CCDC183: variants seen among roughly 807,000 people sequenced by gnomAD.
CCDC183 encodes the protein coiled-coil domain-containing protein 183.
In CCDC183, 63 loss-of-function variants were observed where a neutral mutation model predicts 65.2. The ratio of observed to expected loss-of-function variants is 0.97; its 90% CI spans 0.79 to 1.19. The LOEUF (loss-of-function observed/expected upper bound fraction) is 1.19. Among genes scored for constraint, CCDC183 ranks in the 50% most tolerant of loss-of-function variants. The probability of loss-of-function intolerance (pLI) is 0.00; values close to 1 mark genes in which losing one functional copy is unlikely to be tolerated. For synonymous variants in CCDC183, 323 were observed against 276.5 expected (o/e 1.17, Z -1.67); for missense variants, 769 against 689.3 (o/e 1.12, Z -1.30).
Position 136,804,753 on chromosome 9 carries a change from T to C in CCDC183, c.793-9T>C. The C allele has an allele frequency of 2.0e-6, 3 of 1,499,244 alleles. No homozygotes were observed. Among genetic ancestry groups the C allele is most frequent in the Admixed American group, 1.7e-5 (1 of 58,724 alleles). 92.9% of individuals were successfully genotyped at this position (1,499,244 alleles called of 1,614,324 possible). On this transcript the variant is annotated splice_polypyrimidine_tract_variant and intron_variant, in intron 7 of 13. Coordinates refer to ENST00000338005, the MANE Select transcript of CCDC183 (RefSeq NM_001039374.5). The surrounding 1 kb of genome is among the most constrained non-coding windows in gnomAD (Gnocchi z 4.1). ...GTCTCATCCCTTCCCCGCCCCCACC[T>C]CCCATCAGGGCCAGATGGACTTGGA...
In CCDC183 at chr9:136,797,992, C is replaced by T. The variant is rs549023203; in HGVS notation, c.71-1110C>T. 5.3e-5 allele frequency among the ~76,000 whole-genome samples: 8 copies of T among 151,808 alleles called. No homozygotes were observed. The East Asian group carries it at 1.4e-3, about 26-fold the overall frequency. On this transcript the variant is annotated intron_variant, in intron 1 of 13. Transcript: ENST00000338005. The stretch of plus-strand genomic sequence containing the variant: ...TACGCCACCACACTCAGCTAATTTT[C>T]GTATTTGTATTTTTATTTATTTATT...
In CCDC183 at chr9:136,796,939, C is replaced by T. The variant is rs563488490; in HGVS notation, c.70+472C>T. On this transcript the variant is annotated intron_variant, in intron 1 of 13. Transcript: ENST00000338005. ...GGAAAGATCTTACCATCCCCCAGCC[C>T]GACACCAGTAAAGGGTCTGTGCTGA... Among the ~76,000 whole-genome samples the T allele has an allele frequency of 3.9e-4, 58 of 149,844 alleles. No individual in the cohort carries two copies. In the South Asian group the frequency reaches 6.4e-3, roughly 16 times the overall value.
rs1161205388 is a variant in CCDC183 at position 136,800,575 on chromosome 9, C to G, written c.543+82C>G. ...GGAGCGTCCTGGGGCGGAGCCGCCC[C>G]GCACCCGCCAGGGAGAGGGAGCTCT... On this transcript the variant is annotated intron_variant, in intron 5 of 13. Transcript: ENST00000338005. The G allele has an allele frequency of 1.8e-5, 19 of 1,029,618 alleles. No homozygotes were observed. The East Asian group carries it at 5.0e-4, about 27-fold the overall frequency. 63.8% of individuals were successfully genotyped at this position (1,029,618 alleles called of 1,614,324 possible). A position where few individuals can be genotyped will look rare whatever the true frequency, so the allele number is the denominator to read the frequency against.
intron 13 of CCDC183, 32 bp from the exon 14 acceptor site, chr9:136,807,540 C>T: frequency 6.4e-7 from 1 of 1,564,190 alleles, no homozygotes; most frequent in East Asian, 2.4e-5. Context: ...GCTGGGCTAG[C>T]CCCGTGTGCG....
At chr9:136,798,908 C>A (rs1847694099) in intron 1 of CCDC183, among the ~76,000 whole-genome samples, 194 bp from the exon 2 acceptor site, 1 of 152,224 alleles carries the variant, frequency 6.6e-6, no homozygotes, top group Non-Finnish European at 1.5e-5. Flanking sequence ...CACTGAGAGC[C>A]CTTCAGACAG....
At position 136,799,137 on chromosome 9, in the gene CCDC183, G is replaced by A; in HGVS notation, c.106G>A (p.Glu36Lys). The change falls in exon 2 of 14, where the codon GAG (glutamate) becomes AAG (lysine). Residue 36 changes from glutamate (E) to lysine (K), a missense_variant. Physicochemically the swap from Glu to Lys is moderately conservative, Grantham distance 56 (BLOSUM62 1). Coordinates refer to ENST00000338005, the MANE Select transcript of CCDC183 (RefSeq NM_001039374.5). ...CRALQIQGVKENMDQNKATLA... is the reference protein window; with the variant it reads ...CRALQIQGVKKNMDQNKATLA... ...GGCACTCCAGATCCAAGGGGTGAAAGAGAATATGGACCAGAACAAGGCCAC... is the reference window on the plus strand; with the variant it reads ...GGCACTCCAGATCCAAGGGGTGAAAAAGAATATGGACCAGAACAAGGCCAC... 6.2e-7 allele frequency: 1 copy of A among 1,613,524 alleles called. No individual in the cohort carries two copies. The highest frequency in any genetic ancestry group is 8.5e-7 in the Non-Finnish European group (1 of 1,179,938).
Position 136,804,856 on chromosome 9 carries a change from C to G in CCDC183, c.847+40C>G. 1 of 1,573,134 alleles carries G rather than the reference C, an allele frequency of 6.4e-7. No individual in the cohort carries two copies. On this transcript the variant is annotated intron_variant, in intron 8 of 13. Transcript: ENST00000338005. The surrounding 1 kb of genome is among the most constrained non-coding windows in gnomAD (Gnocchi z 4.1). ...CCCCACCTGCCCCCAGCCAGGGTCC[C>G]AAGGAGAGGCTGGCACTGATTCAGG... is the stretch of plus-strand genomic sequence containing the variant.
intron 11 of CCDC183, 41 bp downstream of exon 11, chr9:136,806,713 G>C: frequency 6.2e-7 from 1 of 1,613,324 alleles, no homozygotes; most frequent in African/African-American, 1.3e-5. Flanking sequence ...CCAGGTCCCT[G>C]GGCAGGGCCA....
At chr9:136,797,463 G>T (rs1847665049) in intron 1 of CCDC183, among the ~76,000 whole-genome samples, 1 of 150,314 alleles carries the variant, frequency 6.7e-6, no homozygotes, top group Non-Finnish European at 1.5e-5. Flanking sequence ...TTATGAGATG[G>T]AGTCTTGCTC....
chr9:136,800,430 C>T lies in CCDC183; in HGVS notation c.480C>T (p.Ile160=), dbSNP rs1487948517. ...QLENNIEKTM[I]KIITSQNIHL... ...AGAACAACATCGAGAAGACAATGATCAAGATCATCACCAGCCAGAACATCC... is the reference window on the plus strand; with the variant it reads ...AGAACAACATCGAGAAGACAATGATTAAGATCATCACCAGCCAGAACATCC... The change falls in exon 5 of 14, where the codon ATC becomes ATT. Residue 160 remains isoleucine (I), a synonymous_variant. Coordinates refer to ENST00000338005, the MANE Select transcript of CCDC183 (RefSeq NM_001039374.5). 1 of 1,612,878 alleles carries T rather than the reference C, an allele frequency of 6.2e-7. No homozygotes were observed. The highest frequency in any genetic ancestry group is 1.3e-5 in the African/African-American group (1 of 75,026).
intron 1 of CCDC183, among the ~76,000 whole-genome samples, chr9:136,797,726 C>T (rs1284411814): frequency 6.6e-6 from 1 of 152,248 alleles, no homozygotes; most frequent in African/African-American, 2.4e-5. Flanking sequence ...GCGTGAGCCA[C>T]CATGCCCAGC....
At chr9:136,797,084 C>T (rs572463669) in intron 1 of CCDC183, among the ~76,000 whole-genome samples, 1 of 152,296 alleles carries the variant, frequency 6.6e-6, no homozygotes, top group South Asian at 2.1e-4. Context: ...TCGTTCTATT[C>T]TAAGATAGGA....
chr9:136,799,361 G>A lies in CCDC183; in HGVS notation c.192+138G>A, dbSNP rs1318074365. ...CAGGGGGCATGTGAGGAGGGGCTCT[G>A]CTAGGACCTGTGCCCTGGGCTCCAG... is the stretch of plus-strand genomic sequence containing the variant. On this transcript the variant is annotated intron_variant, in intron 2 of 13. Coordinates refer to ENST00000338005, the MANE Select transcript of CCDC183 (RefSeq NM_001039374.5). 3 of 1,331,682 alleles carry A rather than the reference G, an allele frequency of 2.3e-6. 1 individual carries two copies. Among genetic ancestry groups the A allele is most frequent in the Non-Finnish European group, 3.0e-6 (3 of 1,005,112 alleles). 82.5% of individuals were successfully genotyped at this position (1,331,682 alleles called of 1,614,324 possible). A position where few individuals can be genotyped will look rare whatever the true frequency, so the allele number is the denominator to read the frequency against.
In CCDC183 at chr9:136,804,339, G is replaced by A; in HGVS notation, c.667-163G>A. On this transcript the variant is annotated intron_variant, in intron 6 of 13. Transcript: ENST00000338005. This position sits in a 1 kb window ranked among gnomAD's most constrained non-coding sequence, Gnocchi z 4.1. ...GGGCAAGGAGGGCCGTGAGCTGAGGGGCCACGGGCACAAGTGGTTTAGGAA... is the reference window on the plus strand; with the variant it reads ...GGGCAAGGAGGGCCGTGAGCTGAGGAGCCACGGGCACAAGTGGTTTAGGAA... 1.1e-6 allele frequency: 1 copy of A among 943,314 alleles called. No individual in the cohort carries two copies. Among genetic ancestry groups the A allele is most frequent in the Non-Finnish European group, 1.5e-6 (1 of 650,034 alleles). The allele number at this position is 943,314 out of a possible 1,614,324, so 58.4% of individuals were successfully genotyped here. A position where few individuals can be genotyped will look rare whatever the true frequency, so the allele number is the denominator to read the frequency against.
intron 5 of CCDC183, among the ~76,000 whole-genome samples, chr9:136,801,707 G>A (rs1847739294): frequency 6.6e-6 from 1 of 152,136 alleles, no homozygotes; most frequent in Non-Finnish European, 1.5e-5. Context: ...TTCAGTCTCA[G>A]AACAAAGGAA....
intron 3 of CCDC183, 24 bp downstream of exon 3, chr9:136,799,814 A>AG: frequency 6.2e-7 from 1 of 1,604,794 alleles, no homozygotes; most frequent in African/African-American, 1.3e-5. Context: ...AGGGGCCTCG[A>AG]GACCCAACCC....
At chr9:136,805,107 G>A (rs571132377) in intron 8 of CCDC183, 38 of 592,790 alleles carry the variant, frequency 6.4e-5, no homozygotes, top group African/African-American at 2.0e-4. Context: ...AAGCACCACC[G>A]GGCCCACAGT....
Position 136,804,924 on chromosome 9 carries a change from C to A in CCDC183, c.847+108C>A. Reference sequence around the variant, plus strand: ...CCTGAGGCCAGGTGTGACATGTGGTCGCCAGGGTGAAGGGAAGGACAGGTC... The same window carrying A: ...CCTGAGGCCAGGTGTGACATGTGGTAGCCAGGGTGAAGGGAAGGACAGGTC... On this transcript the variant is annotated intron_variant, in intron 8 of 13. Coordinates refer to ENST00000338005, the MANE Select transcript of CCDC183 (RefSeq NM_001039374.5). This position sits in a 1 kb window ranked among gnomAD's most constrained non-coding sequence, Gnocchi z 4.1. 1 of 949,358 alleles carries A rather than the reference C, an allele frequency of 1.1e-6. No homozygotes were observed. The highest frequency in any genetic ancestry group is 1.6e-6 in the Non-Finnish European group (1 of 612,614). 58.8% of individuals were successfully genotyped at this position (949,358 alleles called of 1,614,324 possible).
chr9:136,805,191 G>C, intron 8 of CCDC183, 166 bp from the exon 9 acceptor site: 1 of 625,454 alleles, frequency 1.6e-6, no homozygotes. Flanking sequence ...TGCAGGGCTG[G>C]GCTGAGGAGG....
Sources: gnomAD v4.1 joint callset for allele counts (sites outside exome capture counted in the v4.1 genomes callset) on GRCh38, gnomAD v4.1.1 for gene constraint, Gnocchi (gnomAD v3.1) non-coding constraint, MANE v1.5 for transcripts, NCBI Gene and HGNC (gene_info 2026-07-23, HGNC 2026-07-21) for gene names.